PTPRJ: variants seen among roughly 807,000 people sequenced by gnomAD.
PTPRJ encodes the protein protein tyrosine phosphatase receptor type J, also known as receptor-type tyrosine-protein phosphatase eta.
Under a neutral mutation model 141.3 loss-of-function variants are expected in PTPRJ, and 129 were observed. The observed-to-expected ratio is 0.91, with a 90% CI of 0.79 to 1.06. The LOEUF (loss-of-function observed/expected upper bound fraction) is 1.06. Among genes scored for constraint, PTPRJ ranks in the 50% least tolerant of loss-of-function variants. The pLI, the probability that PTPRJ is intolerant of heterozygous loss-of-function variation, is 0.00. For synonymous variants in PTPRJ, 610 were observed against 640.5 expected (o/e 0.95, Z 0.72); for missense variants, 1,601 against 1,679.7 (o/e 0.95, Z 0.82).
At chr11:48,062,735 C>G (rs912329229) in intron 1 of PTPRJ, among the ~76,000 whole-genome samples, 3 of 152,210 alleles carry the variant, frequency 2.0e-5, no homozygotes, top group African/African-American at 7.2e-5. Flanking sequence ...AGCTTTGTTT[C>G]TGAAGCACTT....
chr11:47,986,737 A>G (rs1057425951), intron 1 of PTPRJ, among the ~76,000 whole-genome samples: 7 of 152,178 alleles, frequency 4.6e-5, no homozygotes, highest in Non-Finnish European at 4.4e-5. Context: ...GCTGGTCTTT[A>G]ACTCCTGACC....
chr11:48,129,810 G>A (rs980347933), intron 7 of PTPRJ, among the ~76,000 whole-genome samples: 3 of 152,088 alleles, frequency 2.0e-5, no homozygotes, highest in Non-Finnish European at 4.4e-5. Flanking sequence ...GCCAGGCAGC[G>A]TGAGCTCCAG....
At chr11:47,997,973 G>A (rs1854388599) in intron 1 of PTPRJ, among the ~76,000 whole-genome samples, 1 of 152,198 alleles carries the variant, frequency 6.6e-6, no homozygotes, top group South Asian at 2.1e-4. Flanking sequence ...GAAGGGTGAT[G>A]CCAGCCAGGG....
At chr11:48,061,065 A>G (rs985702315) in intron 1 of PTPRJ, among the ~76,000 whole-genome samples, 2 of 152,074 alleles carry the variant, frequency 1.3e-5, no homozygotes, top group Non-Finnish European at 2.9e-5. Flanking sequence ...CAATGGCGCT[A>G]TCAATCGTTC....
chr11:48,135,965 C>T lies in PTPRJ; in HGVS notation c.1616-74C>T, dbSNP rs200498482. The T allele has an allele frequency of 7.9e-4, 1,212 of 1,537,222 alleles. 1 individual carries two copies. The highest frequency in any genetic ancestry group is 1.0e-3 in the Non-Finnish European group (1,130 of 1,130,176). On this transcript the variant is annotated intron_variant, in intron 8 of 24. Transcript: ENST00000418331. ...GTAATGGCAAAAGAGCAGGTCCTCT[C>T]GACAGCACTTGGAGAGGAAGCTGGG...
At position 48,024,193 on chromosome 11, in the gene PTPRJ, T is replaced by TC; in HGVS notation, c.96+43185_96+43186insC. ...AAGACAGGCACCACACTTACATTTT[T>TC]TTTCTTTCTTTCTTTTTGTTTTGAG... On this transcript the variant is annotated intron_variant, in intron 1 of 24. Coordinates refer to ENST00000418331, the MANE Select transcript of PTPRJ (RefSeq NM_002843.4). Among the ~76,000 whole-genome samples the TC allele has an allele frequency of 2.0e-5, 3 of 152,106 alleles. No homozygotes were observed. In the East Asian group the frequency reaches 5.8e-4, roughly 29 times the overall value.
intron 8 of PTPRJ, among the ~76,000 whole-genome samples, chr11:48,133,007 T>C (rs1006739097): frequency 6.6e-6 from 1 of 152,250 alleles, no homozygotes; most frequent in Non-Finnish European, 1.5e-5. Flanking sequence ...AGATGCATGA[T>C]GTTGTGCTAC....
intron 8 of PTPRJ, chr11:48,132,104 A>T (rs1485977171): frequency 1.0e-6 from 1 of 984,918 alleles, no homozygotes; most frequent in East Asian, 1.1e-4. Flanking sequence ...GAGAGCAAAA[A>T]GTTTAAGAAC....
At chr11:48,112,029 T>G (rs1033645640) in intron 2 of PTPRJ, among the ~76,000 whole-genome samples, 8 of 152,126 alleles carry the variant, frequency 5.3e-5, no homozygotes, top group Non-Finnish European at 1.0e-4. Flanking sequence ...GTGAATGTTC[T>G]GAGCTGTGAT....
chr11:47,997,760 C>T (rs922819753), intron 1 of PTPRJ, among the ~76,000 whole-genome samples: 8 of 152,150 alleles, frequency 5.3e-5, no homozygotes, highest in Non-Finnish European at 1.2e-4. Context: ...TATGCCCTGT[C>T]AAAGGGAGAT....
chr11:48,077,829 C>T (rs1855446892), intron 1 of PTPRJ, among the ~76,000 whole-genome samples: 1 of 152,182 alleles, frequency 6.6e-6, no homozygotes, highest in African/African-American at 2.4e-5. Context: ...GCTTTGTTCT[C>T]CAGCGATTTG....
intron 1 of PTPRJ, among the ~76,000 whole-genome samples, chr11:47,985,470 A>G (rs1854025236): frequency 6.6e-6 from 1 of 152,078 alleles, no homozygotes; most frequent in African/African-American, 2.4e-5. Context: ...TCTGAGAGAA[A>G]ACTGAGGTTC....
intron 1 of PTPRJ, among the ~76,000 whole-genome samples, chr11:47,982,902 T>C (rs961938923): frequency 1.4e-4 from 21 of 152,242 alleles, no homozygotes; most frequent in African/African-American, 5.1e-4. Flanking sequence ...TATTTCTTTT[T>C]TTTTTGGACA....
chr11:48,049,216 C>G (rs748635034), intron 1 of PTPRJ, among the ~76,000 whole-genome samples: 5 of 152,048 alleles, frequency 3.3e-5, no homozygotes, highest in African/African-American at 7.3e-5. Flanking sequence ...GCCAGTAGCA[C>G]CCCCCTCCCA....
At chr11:48,154,980 T>C (rs1051269875) in intron 19 of PTPRJ, among the ~76,000 whole-genome samples, 1 of 152,138 alleles carries the variant, frequency 6.6e-6, no homozygotes, top group Non-Finnish European at 1.5e-5. Context: ...CATTGTTATG[T>C]TATTTTGTCC....
intron 1 of PTPRJ, among the ~76,000 whole-genome samples, chr11:48,101,731 C>T (rs1364801077): frequency 6.6e-6 from 1 of 152,192 alleles, no homozygotes; most frequent in Non-Finnish European, 1.5e-5. Flanking sequence ...TGCCTGTTAG[C>T]TGTTTTTATC....
intron 1 of PTPRJ, among the ~76,000 whole-genome samples, chr11:48,013,725 C>T (rs537401244): frequency 1.6e-3 from 247 of 152,172 alleles, no homozygotes; most frequent in Non-Finnish European, 3.1e-3. Context: ...TGCCAGGAGC[C>T]TCTTGGCTTA....
intron 10 of PTPRJ, 106 bp from the exon 11 acceptor site, chr11:48,139,380 C>A: frequency 8.0e-7 from 1 of 1,256,350 alleles, no homozygotes; most frequent in Non-Finnish European, 1.1e-6. Flanking sequence ...TCTTCCACCA[C>A]ATCACCCACC....
At position 48,128,003 on chromosome 11, in the gene PTPRJ, T is replaced by G; in HGVS notation, c.1317T>G (p.Gly439=). Residue 439 remains glycine, a synonymous_variant, in exon 7 of 25, where the codon GGT becomes GGG. Coordinates refer to ENST00000418331, the MANE Select transcript of PTPRJ (RefSeq NM_002843.4). ...FYNITVCPVL[G]DIEGTPGFLQ... ...ACATCACAGTGTGTCCTGTCCTAGG[T>G]GACATCGAGGGCACGCCGGGCTTCC... is the stretch of plus-strand genomic sequence containing the variant. The G allele has an allele frequency of 6.2e-7, 1 of 1,613,842 alleles. No individual in the cohort carries two copies. The highest frequency in any genetic ancestry group is 8.5e-7 in the Non-Finnish European group (1 of 1,179,754).
Sources: allele counts gnomAD v4.1 joint callset (sites outside exome capture counted in the v4.1 genomes callset), GRCh38; gene constraint gnomAD v4.1.1; transcripts MANE v1.5; gene names NCBI Gene and HGNC (gene_info 2026-07-23, HGNC 2026-07-21).